CPPED1: variants seen among roughly 807,000 people sequenced by gnomAD.
CPPED1 encodes serine/threonine-protein phosphatase CPPED1.
CPPED1 carries 28 observed loss-of-function variants against 28.0 expected under a neutral mutation model. The ratio of observed to expected loss-of-function variants is 1.00; its 90% CI spans 0.74 to 1.37. The LOEUF (loss-of-function observed/expected upper bound fraction) is 1.37. Ranked by LOEUF, CPPED1 falls within the 40% of genes most tolerant of loss-of-function variation. The pLI is 0.00. For synonymous variants in CPPED1, 198 were observed against 180.2 expected (o/e 1.10, Z -0.79); for missense variants, 504 against 416.5 (o/e 1.21, Z -1.83).
intron 3 of CPPED1, among the ~76,000 whole-genome samples, chr16:12,704,314 C>A (rs1330271352): frequency 6.6e-6 from 1 of 152,192 alleles, no homozygotes. Context: ...CAACTGTGAG[C>A]AGCTATGGCA....
chr16:12,729,715 T>C (rs2141204229), intron 2 of CPPED1, among the ~76,000 whole-genome samples: 1 of 152,278 alleles, frequency 6.6e-6, no homozygotes, highest in African/African-American at 2.4e-5. Flanking sequence ...TCCAGTTAAA[T>C]ATAGTAGATT....
chr16:12,768,721 T>C (rs750399281), intron 2 of CPPED1, among the ~76,000 whole-genome samples: 5 of 152,198 alleles, frequency 3.3e-5, no homozygotes, highest in African/African-American at 1.2e-4. Flanking sequence ...CCTTCTATTA[T>C]GAAGTTAGTA....
intron 2 of CPPED1, among the ~76,000 whole-genome samples, chr16:12,741,232 C>T (rs542203826): frequency 2.0e-5 from 3 of 151,406 alleles, no homozygotes; most frequent in African/African-American, 7.3e-5. Flanking sequence ...GCACCAGAGA[C>T]ACTCAGAATG....
intron 2 of CPPED1, among the ~76,000 whole-genome samples, chr16:12,752,523 A>T (rs1436727172): frequency 1.3e-5 from 2 of 151,712 alleles, no homozygotes; most frequent in African/African-American, 4.8e-5. Context: ...AAATTTATTA[A>T]ATTCTGAAAA....
chr16:12,782,150 G>A (rs201787420), intron 1 of CPPED1, among the ~76,000 whole-genome samples: 1 of 152,134 alleles, frequency 6.6e-6, no homozygotes, highest in East Asian at 1.9e-4. Context: ...AAGCTTTGTG[G>A]GTCTTAGGGT....
chr16:12,789,932 A>G (rs2080586575), intron 1 of CPPED1, among the ~76,000 whole-genome samples: 1 of 152,242 alleles, frequency 6.6e-6, no homozygotes, highest in African/African-American at 2.4e-5. Context: ...AGAGAATAAC[A>G]AGATCTGGCC....
chr16:12,719,404 A>G (rs2080126139), intron 2 of CPPED1, among the ~76,000 whole-genome samples: 1 of 151,926 alleles, frequency 6.6e-6, no homozygotes, highest in Admixed American at 6.6e-5. Context: ...AAAAAAAAAA[A>G]AAGAACAGTA....
chr16:12,802,635 G>A (rs1248009361), intron 1 of CPPED1, among the ~76,000 whole-genome samples: 6 of 152,136 alleles, frequency 3.9e-5, no homozygotes, highest in African/African-American at 7.2e-5. Flanking sequence ...TAGAATTACC[G>A]GAGAAACCTA....
At chr16:12,691,672 T>C (rs145422984) in intron 3 of CPPED1, among the ~76,000 whole-genome samples, 1,958 of 152,030 alleles carry the variant, frequency 0.013, 20 homozygotes, top group South Asian at 0.047. Flanking sequence ...AGGACACGGA[T>C]GAAGCTGGAA....
At chr16:12,705,310 G>A (rs2080044167) in intron 2 of CPPED1, among the ~76,000 whole-genome samples, 1 of 152,158 alleles carries the variant, frequency 6.6e-6, no homozygotes, top group East Asian at 1.9e-4. Flanking sequence ...GAGTGATGGT[G>A]TGAAGTCAAT....
intron 2 of CPPED1, among the ~76,000 whole-genome samples, chr16:12,755,975 C>CA (rs1427971391): frequency 6.6e-6 from 1 of 152,020 alleles, no homozygotes; most frequent in East Asian, 1.9e-4. Flanking sequence ...AATAAAAACA[C>CA]AAAAAATTAG....
chr16:12,788,971 G>T (rs555084931), intron 1 of CPPED1, among the ~76,000 whole-genome samples: 1 of 152,214 alleles, frequency 6.6e-6, no homozygotes, highest in South Asian at 2.1e-4. Context: ...CTCTTCCAGA[G>T]ATTACAAACT....
intron 2 of CPPED1, among the ~76,000 whole-genome samples, chr16:12,736,426 G>A (rs1010512346): frequency 6.6e-6 from 1 of 151,942 alleles, no homozygotes; most frequent in Non-Finnish European, 1.5e-5. Context: ...TTTTAGTAGA[G>A]ACAGGTTTTG....
chr16:12,762,591 C>T (rs1052550247), intron 2 of CPPED1, among the ~76,000 whole-genome samples: 12 of 152,232 alleles, frequency 7.9e-5, no homozygotes, highest in African/African-American at 1.9e-4. Context: ...CCCAAGGCGC[C>T]GCATACTGTA....
intron 3 of CPPED1, among the ~76,000 whole-genome samples, chr16:12,669,055 G>A (rs2061614715): frequency 6.6e-6 from 1 of 152,224 alleles, no homozygotes; most frequent in Admixed American, 6.5e-5. Flanking sequence ...TTTTTCAAAA[G>A]AGCCTAAAAT....
intron 2 of CPPED1, among the ~76,000 whole-genome samples, chr16:12,714,106 AG>A (rs1463860485): frequency 6.6e-6 from 1 of 152,220 alleles, no homozygotes; most frequent in Non-Finnish European, 1.5e-5. Context: ...AGCCTATGTT[AG>A]TGCTTCATTC....
chr16:12,699,556 T>C (rs1449774153), intron 3 of CPPED1, among the ~76,000 whole-genome samples: 1 of 152,208 alleles, frequency 6.6e-6, no homozygotes, highest in South Asian at 2.1e-4. Flanking sequence ...AAATCATTTA[T>C]TCATCCCACA....
intron 2 of CPPED1, among the ~76,000 whole-genome samples, chr16:12,733,921 C>A (rs1194283895): frequency 4.0e-5 from 6 of 151,680 alleles, no homozygotes; most frequent in Non-Finnish European, 7.4e-5. Context: ...GAAAAAAAAA[C>A]TAAATCATAA....
intron 2 of CPPED1, among the ~76,000 whole-genome samples, chr16:12,711,447 C>T (rs9936505): frequency 0.027 from 4,068 of 152,246 alleles, 174 homozygotes; most frequent in African/African-American, 0.094. Flanking sequence ...ATACTTCATG[C>T]CACTGAACGG....
Sources: gnomAD v4.1 joint callset for allele counts (sites outside exome capture counted in the v4.1 genomes callset) on GRCh38, gnomAD v4.1.1 for gene constraint, MANE v1.5 for transcripts, NCBI Gene and HGNC (gene_info 2026-07-23, HGNC 2026-07-21) for gene names.